VIP: variants seen among roughly 807,000 people sequenced by gnomAD.
VIP encodes the protein VIP peptides.
In VIP, 18 loss-of-function variants were observed where a neutral mutation model predicts 20.1. That is an observed-to-expected ratio of 0.90 (90% CI 0.62 to 1.33). The LOEUF (loss-of-function observed/expected upper bound fraction) is 1.33, where lower values mean the gene tolerates loss of function less well. VIP is among the 40% of genes most tolerant of loss of function. The pLI is 0.00. For missense variants in VIP, 209 were observed against 199.4 expected, an observed-to-expected ratio of 1.05 and a Z score of -0.29; for synonymous variants, 70 against 68.1, an observed-to-expected ratio of 1.03 and a Z score of -0.14.
intron 6 of VIP, among the ~76,000 whole-genome samples, chr6:152,757,925 A>T (rs1475725686): frequency 1.3e-5 from 2 of 151,946 alleles, no homozygotes; most frequent in Non-Finnish European, 2.9e-5. Flanking sequence ...GCTCATAAAA[A>T]ATCTATAATA....
intron 3 of VIP, 84 bp from the exon 4 acceptor site, chr6:152,755,185 A>G: frequency 1.2e-6 from 1 of 843,868 alleles, no homozygotes; most frequent in Non-Finnish European, 1.8e-6. Context: ...TAAGCCCATA[A>G]TTTTTTTGTT....
At position 152,754,137 on chromosome 6, in the gene VIP, T is replaced by G. The variant is rs1410566475; in HGVS notation, c.108-29T>G. The G allele has an allele frequency of 3.1e-6, 5 of 1,602,070 alleles. No homozygotes were observed. In the Admixed American group the frequency reaches 8.6e-5, roughly 27 times the overall value. ...CACACTGTCTTCTGAAAAAAGAATG[T>G]ATTATTCTCGTGTAACTTTCCCCAT... On this transcript the variant is annotated intron_variant, in intron 2 of 6. Coordinates refer to ENST00000367244, the MANE Select transcript of VIP (RefSeq NM_003381.4).
intron 2 of VIP, among the ~76,000 whole-genome samples, chr6:152,753,634 T>C (rs1425605694): frequency 2.0e-5 from 3 of 152,006 alleles, no homozygotes; most frequent in Non-Finnish European, 4.4e-5. Flanking sequence ...TACAGAGAAA[T>C]ATATAATGCC....
chr6:152,757,776 AT>A (rs942799802), intron 6 of VIP, among the ~76,000 whole-genome samples: 61 of 151,826 alleles, frequency 4.0e-4, no homozygotes, highest in African/African-American at 1.3e-3. Context: ...CTCTGCCAAC[AT>A]TTTTTTTGAG....
intron 1 of VIP, among the ~76,000 whole-genome samples, chr6:152,751,331 G>A (rs1040966289): frequency 2.0e-4 from 30 of 151,294 alleles, no homozygotes; most frequent in Admixed American, 6.6e-4. Context: ...TTCCTATTTC[G>A]TATGTTGGTT....
chr6:152,755,128 TAAG>T, intron 3 of VIP, 138 bp from the exon 4 acceptor site: 1 of 512,948 alleles, frequency 1.9e-6, no homozygotes, highest in Non-Finnish European at 3.4e-6. Context: ...GTTAGGGTGT[TAAG>T]AAATCTCCTT....
Position 152,754,236 on chromosome 6 carries a change from A to T in VIP, c.178A>T (p.Met60Leu), listed in dbSNP as rs1276987903. The change falls in exon 3 of 7, where the codon ATG (methionine) becomes TTG (leucine). Residue 60 changes from methionine to leucine, a missense_variant. Physicochemically the swap from Met to Leu is conservative, Grantham distance 15 (BLOSUM62 2). Transcript: ENST00000367244. ...DQVSLKEDID[M>L]LQNALAENDT... ...AGTTTCATTAAAAGAAGACATTGAC[A>T]TGTTGCAAAATGCATTAGCTGAAAA... 1 of 1,612,020 alleles carries T rather than the reference A, an allele frequency of 6.2e-7. No individual in the cohort carries two copies. Among genetic ancestry groups the T allele is most frequent in the Non-Finnish European group, 8.5e-7 (1 of 1,178,758 alleles).
At chr6:152,758,400 A>G (rs1241563918) in intron 6 of VIP, among the ~76,000 whole-genome samples, 1 of 151,990 alleles carries the variant, frequency 6.6e-6, no homozygotes. Context: ...TATCTTTTAT[A>G]GACATCTCAG....
intron 6 of VIP, among the ~76,000 whole-genome samples, 161 bp downstream of exon 6, chr6:152,757,345 A>G (rs531542933): frequency 1.3e-5 from 2 of 152,062 alleles, no homozygotes; most frequent in Middle Eastern, 3.4e-3. Flanking sequence ...CCAACCCAGT[A>G]AACAGCTTAG....
chr6:152,757,269 C>A, intron 6 of VIP, 85 bp downstream of exon 6: 1 of 864,398 alleles, frequency 1.2e-6, no homozygotes, highest in African/African-American at 1.7e-5. Context: ...TAAGAAACAT[C>A]TTAGGGTTAA....
In VIP at chr6:152,757,197, G is replaced by A. The variant is rs764123344; in HGVS notation, c.*43+13G>A. The A allele has an allele frequency of 1.6e-5, 25 of 1,537,040 alleles. No individual in the cohort carries two copies. The highest frequency in any genetic ancestry group is 1.7e-4 in the Middle Eastern group (1 of 5,868). Reference sequence around the variant, plus strand: ...CAACTTCCCAGTGGTGGGTATATTCGTGCATTCCTTCTGTATTCTTATGGC... The same window carrying A: ...CAACTTCCCAGTGGTGGGTATATTCATGCATTCCTTCTGTATTCTTATGGC... On this transcript the variant is annotated intron_variant, in intron 6 of 6. Transcript: ENST00000367244.
chr6:152,755,175 TA>T lies in VIP; in HGVS notation c.231-92del, dbSNP rs1359331775. 5.6e-6 allele frequency: 4 copies of T among 719,230 alleles called. No individual in the cohort carries two copies. The African/African-American group carries it at 7.5e-5, about 13-fold the overall frequency. 44.6% of individuals were successfully genotyped at this position (719,230 alleles called of 1,614,324 possible). A position where few individuals can be genotyped will look rare whatever the true frequency, so the allele number is the denominator to read the frequency against. Reference sequence around the variant, plus strand: ...TAGTTTTAATGAGAAGCTTTCATAATAAGCCCATAATTTTTTTGTTATTTAA... The same window carrying T: ...TAGTTTTAATGAGAAGCTTTCATAATAGCCCATAATTTTTTTGTTATTTAA... On this transcript the variant is annotated intron_variant, in intron 3 of 6. Transcript: ENST00000367244.
intron 4 of VIP, among the ~76,000 whole-genome samples, chr6:152,755,821 A>T (rs12201140): frequency 0.15 from 21,581 of 144,194 alleles, 1,669 homozygotes; most frequent in African/African-American, 0.22. Flanking sequence ...TGTTTTTTTT[A>T]AAAAAAAAAA....
At position 152,754,169 on chromosome 6, in the gene VIP, G is replaced by A. The variant is rs753698396; in HGVS notation, c.111G>A (p.Leu37=). The A allele has an allele frequency of 2.5e-6, 4 of 1,609,150 alleles. No homozygotes were observed. In the African/African-American group the frequency reaches 5.4e-5, roughly 22 times the overall value. ...PLYRAPSALR[L]GDRIPFEGAN... ...CTCGTGTAACTTTCCCCATCAGGTT[G>A]GGTGACAGAATACCCTTTGAGGGAG... Residue 37 remains leucine (L), a synonymous_variant, in exon 3 of 7, where the codon TTG becomes TTA. Coordinates refer to ENST00000367244, the MANE Select transcript of VIP (RefSeq NM_003381.4).
At chr6:152,757,601 T>C (rs1198442213) in intron 6 of VIP, among the ~76,000 whole-genome samples, 1 of 151,980 alleles carries the variant, frequency 6.6e-6, no homozygotes, top group African/African-American at 2.4e-5. Flanking sequence ...CAATTAAGTA[T>C]AGGGAAATAG....
chr6:152,755,271 A>G lies in VIP; in HGVS notation c.233A>G (p.Asn78Ser), dbSNP rs749655312. The change falls in exon 4 of 7, where the codon AAT (asparagine) becomes AGT (serine). Residue 78 changes from asparagine to serine, a missense_variant and splice_region_variant. By Grantham distance (46) the Asn-to-Ser change is conservative. Coordinates refer to ENST00000367244, the MANE Select transcript of VIP (RefSeq NM_003381.4). ...TATTTTTTTCTTCCTTGTTTTAGAA[A>G]TGCCAGGCATGCTGATGGAGTTTTC... Reference protein sequence around the residue: ...NDTPYYDVSRNARHADGVFTS... With the variant: ...NDTPYYDVSRSARHADGVFTS... 8.3e-6 allele frequency: 13 copies of G among 1,558,552 alleles called. No homozygotes were observed. In the African/African-American group the frequency reaches 1.4e-4, roughly 17 times the overall value.
In VIP at chr6:152,759,409, ATG is replaced by A. The variant is rs2099730900; in HGVS notation, c.*547_*548del. 6.6e-6 allele frequency: 1 copy of A among 152,062 alleles called. No homozygotes were observed. Among genetic ancestry groups the A allele is most frequent in the Non-Finnish European group, 1.5e-5 (1 of 67,972 alleles). The allele number at this position is 152,062 out of a possible 1,614,324, so 9.4% of individuals were successfully genotyped here. A position where few individuals can be genotyped will look rare whatever the true frequency, so the allele number is the denominator to read the frequency against. On this transcript the variant is annotated 3_prime_UTR_variant, in exon 7 of 7. Coordinates refer to ENST00000367244, the MANE Select transcript of VIP (RefSeq NM_003381.4). Reference sequence around the variant, plus strand: ...TCCAAAAAGATTTTCAGAAAATATTATGTGTTTCCATATTTTATAGGCAACCT... The same window carrying A: ...TCCAAAAAGATTTTCAGAAAATATTATGTTTCCATATTTTATAGGCAACCT...
In VIP at chr6:152,756,207, C is replaced by T. The variant is rs747886605; in HGVS notation, c.409C>T (p.Leu137Phe). 23 of 1,611,830 alleles carry T rather than the reference C, an allele frequency of 1.4e-5. No homozygotes were observed. Among genetic ancestry groups the T allele is most frequent in the Non-Finnish European group, 2.0e-5 (23 of 1,178,504 alleles). Residue 137 changes from leucine to phenylalanine, a missense_variant, in exon 5 of 7, where the codon CTT (leucine) becomes TTT (phenylalanine). Leu to Phe is a conservative substitution (Grantham distance 22). Transcript: ENST00000367244. The stretch of plus-strand genomic sequence containing the variant: ...AGTCTTCACTGACAACTATACCCGC[C>T]TTAGAAAACAAATGGCTGTAAAGAA... ...DAVFTDNYTRLRKQMAVKKYL... is the reference protein window; with the variant it reads ...DAVFTDNYTRFRKQMAVKKYL...
intron 6 of VIP, among the ~76,000 whole-genome samples, chr6:152,758,505 C>T (rs761546109): frequency 8.6e-5 from 13 of 151,976 alleles, no homozygotes; most frequent in African/African-American, 2.2e-4. Flanking sequence ...TTAAGAAACA[C>T]GGTAGGCACT....
Sources: allele counts gnomAD v4.1 joint callset (sites outside exome capture counted in the v4.1 genomes callset), GRCh38; gene constraint gnomAD v4.1.1; transcripts MANE v1.5; gene names NCBI Gene and HGNC (gene_info 2026-07-23, HGNC 2026-07-21).